PALMD: variants seen among roughly 807,000 people sequenced by gnomAD.
PALMD encodes the protein paralemmin-like protein.
PALMD carries 42 observed loss-of-function variants against 56.2 expected under a neutral mutation model. The observed-to-expected ratio is 0.75, with a 90% CI of 0.58 to 0.97. The LOEUF is 0.97. PALMD is among the 50% of genes least tolerant of loss of function. The pLI, the probability that PALMD is intolerant of heterozygous loss-of-function variation, is 0.00. For missense variants in PALMD, 660 were observed against 643.8 expected, an observed-to-expected ratio of 1.03 and a Z score of -0.27; for synonymous variants, 242 against 222.9, an observed-to-expected ratio of 1.09 and a Z score of -0.76.
intron 6 of PALMD, among the ~76,000 whole-genome samples, chr1:99,688,312 G>A (rs1046568452): frequency 3.3e-5 from 5 of 152,140 alleles, no homozygotes; most frequent in African/African-American, 1.2e-4. Flanking sequence ...CAACAAGGAT[G>A]TAACTTTATA....
intron 1 of PALMD, among the ~76,000 whole-genome samples, chr1:99,649,768 C>T (rs146944116): frequency 4.6e-5 from 7 of 152,236 alleles, no homozygotes; most frequent in East Asian, 1.9e-4. Flanking sequence ...AACTGTCTTG[C>T]GATCATAGAC....
intron 1 of PALMD, among the ~76,000 whole-genome samples, chr1:99,653,954 T>C (rs1652654007): frequency 6.6e-6 from 1 of 152,170 alleles, no homozygotes; most frequent in Admixed American, 6.6e-5. Context: ...GTGCTAAGGG[T>C]TGATCAGAAC....
chr1:99,683,822 T>G (rs1653425249), intron 3 of PALMD: 1 of 152,368 alleles, frequency 6.6e-6, no homozygotes, highest in African/African-American at 2.4e-5. Flanking sequence ...TCTGACTTCA[T>G]TTCACCTTTC....
intron 1 of PALMD, among the ~76,000 whole-genome samples, chr1:99,653,857 A>G (rs1055252344): frequency 3.9e-5 from 6 of 152,116 alleles, no homozygotes; most frequent in African/African-American, 9.7e-5. Context: ...CACTGAAGCT[A>G]TACAGTTTTG....
At chr1:99,692,145 C>A (rs1209539368) in intron 7 of PALMD, among the ~76,000 whole-genome samples, 1 of 152,176 alleles carries the variant, frequency 6.6e-6, no homozygotes, top group East Asian at 1.9e-4. Flanking sequence ...CTACCCCTAC[C>A]AATCAGGGGG....
In PALMD at chr1:99,689,284, A is replaced by G. The variant is rs1167793714; in HGVS notation, c.1024A>G (p.Thr342Ala). 3 of 1,613,570 alleles carry G rather than the reference A, an allele frequency of 1.9e-6. No individual in the cohort carries two copies. Among genetic ancestry groups the G allele is most frequent in the Admixed American group, 1.7e-5 (1 of 59,878 alleles). The change falls in exon 7 of 8, where the codon ACC (threonine) becomes GCC (alanine). Residue 342 changes from threonine to alanine, a missense_variant. Transcript: ENST00000263174. The part of the protein sequence containing the change: ...VIQQAEEKLH[T>A]PQKRLMTPWE... ...TCAACAAGCAGAAGAGAAGCTTCAC[A>G]CCCCGCAAAAAAGGCTAATGACTCC...
At chr1:99,687,649 A>G (rs12067309) in intron 6 of PALMD, among the ~76,000 whole-genome samples, 12,179 of 152,142 alleles carry the variant, frequency 0.08, 1,038 homozygotes, top group African/African-American at 0.22. Context: ...ATTAGAGCAG[A>G]GAGGAAAACT....
At position 99,675,568 on chromosome 1, in the gene PALMD, C is replaced by T. The variant is rs113933074; in HGVS notation, c.251+7802C>T. Among the ~76,000 whole-genome samples the T allele has an allele frequency of 5.9e-3, 892 of 152,286 alleles. 9 individuals carry two copies. Among genetic ancestry groups the T allele is most frequent in the African/African-American group, 0.021 (857 of 41,576 alleles). ...TGTTTGGCATGTACTACAAGGTCCT[C>T]TACAAGCCCTAATTTAAAAACACAC... On this transcript the variant is annotated intron_variant, in intron 3 of 7. Transcript: ENST00000263174.
intron 7 of PALMD, among the ~76,000 whole-genome samples, chr1:99,690,890 C>T (rs1653639769): frequency 6.6e-6 from 1 of 152,120 alleles, no homozygotes; most frequent in Non-Finnish European, 1.5e-5. Flanking sequence ...AGTACCTGCA[C>T]AATTACCTAC....
chr1:99,671,364 T>G (rs1235911463), intron 3 of PALMD, among the ~76,000 whole-genome samples: 2 of 152,304 alleles, frequency 1.3e-5, no homozygotes, highest in East Asian at 3.9e-4. Context: ...TACACAGGCT[T>G]GGCCATGTTC....
intron 3 of PALMD, among the ~76,000 whole-genome samples, chr1:99,672,400 A>G (rs954886877): frequency 1.3e-5 from 2 of 152,182 alleles, no homozygotes; most frequent in Non-Finnish European, 2.9e-5. Flanking sequence ...CCACTGAACC[A>G]TTTACTGCCT....
intron 3 of PALMD, among the ~76,000 whole-genome samples, chr1:99,677,041 A>G (rs1322299182): frequency 6.6e-6 from 1 of 152,210 alleles, no homozygotes; most frequent in Non-Finnish European, 1.5e-5. Context: ...TTATGATTTA[A>G]AAAAGTAAAA....
intron 3 of PALMD, chr1:99,684,106 ATATG>A (rs1250447398): frequency 1.3e-5 from 2 of 152,208 alleles, no homozygotes; most frequent in Non-Finnish European, 2.9e-5. Context: ...ATGTGTATAT[ATATG>A]TATGTACATA....
At chr1:99,648,633 T>C (rs1652495215) in intron 1 of PALMD, among the ~76,000 whole-genome samples, 1 of 151,552 alleles carries the variant, frequency 6.6e-6, no homozygotes, top group African/African-American at 2.4e-5. Flanking sequence ...CACCCAGACA[T>C]AGCAACACAT....
intron 7 of PALMD, among the ~76,000 whole-genome samples, chr1:99,693,739 G>A (rs1653715127): frequency 6.6e-6 from 1 of 152,158 alleles, no homozygotes; most frequent in Non-Finnish European, 1.5e-5. Flanking sequence ...TAGGGAAACT[G>A]TGCATTAATC....
chr1:99,691,544 A>G (rs1653651555), intron 7 of PALMD, among the ~76,000 whole-genome samples: 1 of 152,206 alleles, frequency 6.6e-6, no homozygotes, highest in Non-Finnish European at 1.5e-5. Flanking sequence ...ATTGTTTTAC[A>G]TTGCTGTTTT....
chr1:99,664,411 A>G (rs1050018209), intron 2 of PALMD, among the ~76,000 whole-genome samples: 1 of 152,196 alleles, frequency 6.6e-6, no homozygotes, highest in Admixed American at 6.5e-5. Context: ...TTAAGTACAT[A>G]TTATGTACAA....
intron 1 of PALMD, 95 bp from the exon 2 acceptor site, chr1:99,662,224 T>C (rs1291238563): frequency 4.4e-6 from 3 of 684,474 alleles, no homozygotes; most frequent in Non-Finnish European, 7.7e-6. Flanking sequence ...CAAAAAAATA[T>C]CAGTAACGGG....
intron 3 of PALMD, chr1:99,668,520 A>G (rs1653017196): frequency 1.3e-5 from 2 of 152,344 alleles, no homozygotes; most frequent in East Asian, 1.9e-4. Flanking sequence ...TGACAAGTCT[A>G]CAGGTGTGTT....
Sources: allele counts gnomAD v4.1 joint callset (sites outside exome capture counted in the v4.1 genomes callset), GRCh38; gene constraint gnomAD v4.1.1; transcripts MANE v1.5; gene names NCBI Gene and HGNC (gene_info 2026-07-23, HGNC 2026-07-21).